TRPC1: variants seen among roughly 807,000 people sequenced by gnomAD.
The protein encoded by TRPC1 is short transient receptor potential channel 1.
A neutral mutation model predicts 88.2 loss-of-function variants in TRPC1; 42 were observed. The ratio of observed to expected loss-of-function variants is 0.48; its 90% confidence interval spans 0.37 to 0.62. The LOEUF (loss-of-function observed/expected upper bound fraction) is 0.62. Ranked by LOEUF, TRPC1 falls within the 20% of genes least tolerant of loss-of-function variation. TRPC1 has a pLI of 0.00. For missense variants in TRPC1, 699 were observed against 957.3 expected, an observed-to-expected ratio of 0.73 and a Z score of 3.56; for synonymous variants, 288 against 331.8, an observed-to-expected ratio of 0.87 and a Z score of 1.43.
At chr3:142,757,902 A>G (rs1935034528) in intron 4 of TRPC1, among the ~76,000 whole-genome samples, 1 of 152,112 alleles carries the variant, frequency 6.6e-6, no homozygotes, top group Middle Eastern at 3.2e-3. Context: ...CAATAGTGTA[A>G]TACTCAGGTC....
chr3:142,735,479 C>CA (rs1186647288), intron 1 of TRPC1, among the ~76,000 whole-genome samples: 1 of 152,146 alleles, frequency 6.6e-6, no homozygotes, highest in Non-Finnish European at 1.5e-5. Context: ...ACAAAACAAG[C>CA]AAAACCCACC....
chr3:142,804,123 T>C lies in TRPC1; in HGVS notation c.1904T>C (p.Ile635Thr), dbSNP rs770686163. ...GGTACATACAATGTCGTGGTTGTGA[T>C]TGTGCTTACCAAACTGCTGGTGGCA... Reference protein sequence around the residue: ...IVGTYNVVVVIVLTKLLVAML... With the variant: ...IVGTYNVVVVTVLTKLLVAML... The change falls in exon 11 of 13, where the codon ATT becomes ACT. Residue 635 changes from isoleucine (I) to threonine (T), a missense_variant. By Grantham distance (89) the Ile-to-Thr change is moderately conservative. Transcript: ENST00000476941. The C allele has an allele frequency of 3.1e-6, 5 of 1,613,944 alleles. No individual in the cohort carries two copies. The highest frequency in any genetic ancestry group is 1.1e-5 in the South Asian group (1 of 91,086).
chr3:142,731,557 TG>T (rs1268898291), intron 1 of TRPC1, among the ~76,000 whole-genome samples: 2 of 151,952 alleles, frequency 1.3e-5, no homozygotes, highest in Non-Finnish European at 2.9e-5. Flanking sequence ...GCTAATTTTT[TG>T]TATTTTTAGT....
At position 142,780,950 on chromosome 3, in the gene TRPC1, C is replaced by G; in HGVS notation, c.881C>G (p.Pro294Arg). 1 of 1,613,816 alleles carries G rather than the reference C, an allele frequency of 6.2e-7. No homozygotes were observed. Among genetic ancestry groups the G allele is most frequent in the Non-Finnish European group, 8.5e-7 (1 of 1,179,806 alleles). ...VILNHTSSDE[P>R]LDKRGLLEER... is the part of the protein sequence containing the mutation. ...CTAAACCATACGTCTAGTGACGAGC[C>G]TCTTGACAAACGGGGATTATTAGAA... Residue 294 changes from proline to arginine, a missense_variant, in exon 6 of 13, where the codon CCT becomes CGT. This residue lies in a region of TRPC1 where 426 missense variants were observed against 641.3 expected (regional missense o/e 0.66). Coordinates refer to ENST00000476941, the MANE Select transcript of TRPC1 (RefSeq NM_001251845.2).
chr3:142,760,257 T>C (rs529942380), intron 4 of TRPC1, among the ~76,000 whole-genome samples: 1 of 152,330 alleles, frequency 6.6e-6, no homozygotes, highest in South Asian at 2.1e-4. Context: ...TTTTTGTGTA[T>C]TGTGAGAGAT....
At chr3:142,793,006 GTCA>G in intron 9 of TRPC1, 39 bp downstream of exon 9, 1 of 1,487,706 alleles carries the variant, frequency 6.7e-7, no homozygotes, top group African/African-American at 1.4e-5. Flanking sequence ...TTTTTTAGAT[GTCA>G]TTATTGTTAC....
At chr3:142,786,605 A>G (rs1222582098) in intron 7 of TRPC1, among the ~76,000 whole-genome samples, 5 of 152,126 alleles carry the variant, frequency 3.3e-5, no homozygotes, top group Admixed American at 1.3e-4. Context: ...TTTAAACTTT[A>G]CCATATATGG....
rs556657676 is a variant in TRPC1, at chr3:142,806,389, T to TAA, written c.*156_*157dup. 3.2e-5 allele frequency: 22 copies of TAA among 677,814 alleles called. No individual in the cohort carries two copies. Among genetic ancestry groups the TAA allele is most frequent in the Non-Finnish European group, 5.2e-5 (22 of 424,644 alleles). The allele number at this position is 677,814 out of a possible 1,614,324, so 42.0% of individuals were successfully genotyped here. A position where few individuals can be genotyped will look rare whatever the true frequency, so the allele number is the denominator to read the frequency against. On this transcript the variant is annotated 3_prime_UTR_variant, in exon 13 of 13. Coordinates refer to ENST00000476941, the MANE Select transcript of TRPC1 (RefSeq NM_001251845.2). ...ATTTATAGCATAAATATATGTTATG[T>TAA]AAAGTGTGTATATAGAATTAGTTTT...
intron 4 of TRPC1, among the ~76,000 whole-genome samples, chr3:142,762,797 T>G (rs1210873657): frequency 1.3e-5 from 2 of 152,190 alleles, no homozygotes; most frequent in East Asian, 1.9e-4. Context: ...TTTTCTAATA[T>G]GGGAATTTAT....
intron 2 of TRPC1, among the ~76,000 whole-genome samples, chr3:142,740,844 C>T: frequency 6.6e-6 from 1 of 152,196 alleles, no homozygotes; most frequent in Admixed American, 6.5e-5. Context: ...TAGCAAAGAG[C>T]TAGTAAGCAA....
chr3:142,761,331 A>G (rs1231869578), intron 4 of TRPC1, among the ~76,000 whole-genome samples: 4 of 152,020 alleles, frequency 2.6e-5, no homozygotes, highest in Non-Finnish European at 4.4e-5. Flanking sequence ...AAATAATCAT[A>G]TGGTTTTTGT....
rs16852590 is a variant in TRPC1, at chr3:142,777,884, G to A, written c.764+121G>A. 2.4e-3 allele frequency: 2,586 copies of A among 1,099,052 alleles called. 52 individuals are homozygous for A. In the African/African-American group the frequency reaches 0.037, roughly 16 times the overall value. The allele number at this position is 1,099,052 out of a possible 1,614,324, so 68.1% of individuals were successfully genotyped here. On this transcript the variant is annotated intron_variant, in intron 5 of 12. Coordinates refer to ENST00000476941, the MANE Select transcript of TRPC1 (RefSeq NM_001251845.2). ...TGATCCAAGAACACTACACCTTGTT[G>A]CCACTTACTTGGCAACAGACCCCTG... is the stretch of plus-strand genomic sequence containing the variant.
At chr3:142,770,602 T>C (rs1397932320) in intron 4 of TRPC1, among the ~76,000 whole-genome samples, 1 of 152,194 alleles carries the variant, frequency 6.6e-6, no homozygotes, top group Non-Finnish European at 1.5e-5. Context: ...CAACATATAA[T>C]TGAATTTTTA....
At chr3:142,778,028 G>A (rs1935841702) in intron 5 of TRPC1, among the ~76,000 whole-genome samples, 1 of 152,096 alleles carries the variant, frequency 6.6e-6, no homozygotes, top group Non-Finnish European at 1.5e-5. Flanking sequence ...CAAAGGCATT[G>A]TAGAGCAGTA....
intron 4 of TRPC1, among the ~76,000 whole-genome samples, chr3:142,761,075 T>C (rs2108073861): frequency 6.6e-6 from 1 of 152,286 alleles, no homozygotes; most frequent in Non-Finnish European, 1.5e-5. Context: ...TTGGATACTC[T>C]TTATCTCTTT....
At chr3:142,774,090 C>T (rs1344991808) in intron 4 of TRPC1, among the ~76,000 whole-genome samples, 1 of 152,128 alleles carries the variant, frequency 6.6e-6, no homozygotes, top group East Asian at 1.9e-4. Flanking sequence ...TTAGTGTCTA[C>T]ATATGTCAGC....
chr3:142,804,350 A>C (rs1292084627), intron 11 of TRPC1, 86 bp from the exon 12 acceptor site: 1 of 1,303,916 alleles, frequency 7.7e-7, no homozygotes, highest in East Asian at 2.5e-5. Flanking sequence ...TGTTGAACAA[A>C]ATTTTTCTGC....
intron 3 of TRPC1, among the ~76,000 whole-genome samples, chr3:142,747,862 T>G (rs1177322209): frequency 1.3e-5 from 2 of 152,186 alleles, no homozygotes; most frequent in African/African-American, 2.4e-5. Context: ...GTTAATATTC[T>G]CCCTATTTTT....
At chr3:142,752,483 A>G (rs1039449530) in intron 4 of TRPC1, among the ~76,000 whole-genome samples, 13 of 152,362 alleles carry the variant, frequency 8.5e-5, no homozygotes, top group African/African-American at 1.9e-4. Flanking sequence ...CTTTTCTCCT[A>G]TCTCAGAGTT....
Sources: allele counts gnomAD v4.1 joint callset (sites outside exome capture counted in the v4.1 genomes callset), GRCh38; gene constraint gnomAD v4.1.1; regional missense constraint gnomAD v4.1.1; transcripts MANE v1.5; gene names NCBI Gene and HGNC (gene_info 2026-07-23, HGNC 2026-07-21).